Variants in CAMK2G observed in about 807,000 individuals in gnomAD.
CAMK2G encodes calcium/calmodulin-dependent protein kinase type II subunit gamma.
Under a neutral mutation model 88.7 loss-of-function variants are expected in CAMK2G, and 23 were observed. The observed-to-expected ratio is 0.26, with a 90% confidence interval of 0.19 to 0.37. The LOEUF (loss-of-function observed/expected upper bound fraction) is 0.37, where lower values mean the gene tolerates loss of function less well. Among genes scored for constraint, CAMK2G ranks in the 10% least tolerant of loss-of-function variants. The pLI is 1.00. For synonymous variants in CAMK2G, 263 were observed against 294.8 expected (o/e 0.89, Z 1.11); for missense variants, 476 against 780.8 (o/e 0.61, Z 4.65).
In CAMK2G at chr10:73,813,359, G is replaced by C. The variant is rs1197492412; in HGVS notation, c.*1159C>G. 1 of 152,722 alleles carries C rather than the reference G, an allele frequency of 6.5e-6. No individual in the cohort carries two copies. Among genetic ancestry groups the C allele is most frequent in the African/African-American group, 2.4e-5 (1 of 41,464 alleles). The allele number at this position is 152,722 out of a possible 1,614,324, so 9.5% of individuals were successfully genotyped here. A position where few individuals can be genotyped will look rare whatever the true frequency, so the allele number is the denominator to read the frequency against. Reference sequence around the variant, plus strand: ...GACACCTCTTCTTCTTGCCAGAGCAGTCAGGTCAATCTCAAAGACAGGAAA... The same window carrying C: ...GACACCTCTTCTTCTTGCCAGAGCACTCAGGTCAATCTCAAAGACAGGAAA... On this transcript the variant is annotated 3_prime_UTR_variant, in exon 23 of 23. Transcript: ENST00000423381.
chr10:73,859,867 G>GC (rs1343933883), intron 3 of CAMK2G, among the ~76,000 whole-genome samples: 2 of 152,228 alleles, frequency 1.3e-5, no homozygotes, highest in Non-Finnish European at 2.9e-5. Flanking sequence ...GGGTAGCTCT[G>GC]AAGGAAGCAT....
chr10:73,815,012 A>G lies in CAMK2G; in HGVS notation c.*3T>C. The G allele has an allele frequency of 6.2e-7, 1 of 1,606,322 alleles. No individual in the cohort carries two copies. ...CGTCAACCAGGTGCACCTGTGGCTG[A>G]GCTCACTGCAGCGGTGCGGCAGGGG... On this transcript the variant is annotated 3_prime_UTR_variant, in exon 22 of 23. Coordinates refer to ENST00000423381, the MANE Select transcript of CAMK2G (RefSeq NM_001367534.1).
chr10:73,873,408 C>T (rs978514524), intron 1 of CAMK2G: 1 of 1,201,078 alleles, frequency 8.3e-7, no homozygotes. Flanking sequence ...TCTCAGACAG[C>T]CCTGCGGTCC....
intron 14 of CAMK2G, among the ~76,000 whole-genome samples, chr10:73,829,963 T>C (rs1008090861): frequency 3.3e-5 from 5 of 152,216 alleles, no homozygotes; most frequent in Non-Finnish European, 7.3e-5. Flanking sequence ...GAACTCTGCG[T>C]AGGCACTCAC....
intron 3 of CAMK2G, among the ~76,000 whole-genome samples, chr10:73,855,205 C>G (rs1341565260): frequency 2.0e-5 from 3 of 152,194 alleles, no homozygotes; most frequent in Non-Finnish European, 4.4e-5. Flanking sequence ...CACTCACTTG[C>G]GCACCTCTGG....
At position 73,853,234 on chromosome 10, in the gene CAMK2G, T is replaced by C. The variant is rs2094772405; in HGVS notation, c.233A>G (p.Asp78Gly). The change falls in exon 4 of 23, where the codon GAC becomes GGC. Residue 78 changes from aspartate (D) to glycine (G), a missense_variant. Around this residue, in one of 3 missense-constraint regions of CAMK2G, gnomAD observed 164 missense variants for 385.6 expected, o/e 0.43. Transcript: ENST00000423381. ...GTGAAACCCTTCTTCAGAAATACTG[T>C]CATGGAGGCGCACTGCAAGAGAGGA... ...LKHPNIVRLHDSISEEGFHYL... is the reference protein window; with the variant it reads ...LKHPNIVRLHGSISEEGFHYL... 1 of 1,613,918 alleles carries C rather than the reference T, an allele frequency of 6.2e-7. No individual in the cohort carries two copies. Among genetic ancestry groups the C allele is most frequent in the Non-Finnish European group, 8.5e-7 (1 of 1,179,886 alleles).
intron 14 of CAMK2G, chr10:73,837,039 G>C (rs995778737): frequency 1.2e-4 from 23 of 188,336 alleles, no homozygotes; most frequent in Non-Finnish European, 2.4e-4. Flanking sequence ...AAAGGAGAGT[G>C]GTTTCAGGTT....
At chr10:73,835,394 T>C (rs1272656549) in intron 14 of CAMK2G, among the ~76,000 whole-genome samples, 3 of 151,900 alleles carry the variant, frequency 2.0e-5, no homozygotes, top group Non-Finnish European at 4.4e-5. Flanking sequence ...CTCCCTGGGC[T>C]TAGGCAATTC....
At chr10:73,859,278 G>A (rs111477637) in intron 3 of CAMK2G, among the ~76,000 whole-genome samples, 2,819 of 152,374 alleles carry the variant, frequency 0.019, 86 homozygotes, top group African/African-American at 0.063. Flanking sequence ...GCGGGCTGCA[G>A]GGGCAGCCAC....
chr10:73,856,330 T>C (rs1230016903), intron 3 of CAMK2G, among the ~76,000 whole-genome samples: 1 of 152,182 alleles, frequency 6.6e-6, no homozygotes. Context: ...ATTCCTGATA[T>C]TGCAGAGTTG....
chr10:73,826,984 C>T (rs1441761357), intron 15 of CAMK2G, among the ~76,000 whole-genome samples: 4 of 152,184 alleles, frequency 2.6e-5, no homozygotes, highest in Admixed American at 6.5e-5. Context: ...TCTAAACTCA[C>T]GGGAGCTCTG....
At chr10:73,858,212 G>A (rs899778524) in intron 3 of CAMK2G, among the ~76,000 whole-genome samples, 1 of 152,162 alleles carries the variant, frequency 6.6e-6, no homozygotes, top group African/African-American at 2.4e-5. Flanking sequence ...CAGTGCCTCC[G>A]AGTCTGACCA....
At chr10:73,814,884 C>T in intron 22 of CAMK2G, 119 bp downstream of exon 22, 1 of 657,688 alleles carries the variant, frequency 1.5e-6, no homozygotes, top group Non-Finnish European at 2.6e-6. Flanking sequence ...CAGGCTTTGC[C>T]AGTCCTCTGG....
intron 15 of CAMK2G, among the ~76,000 whole-genome samples, chr10:73,827,714 A>C (rs1237475215): frequency 6.6e-6 from 1 of 152,196 alleles, no homozygotes; most frequent in African/African-American, 2.4e-5. Flanking sequence ...GTTGCCCTCC[A>C]GCTGCCAGTC....
chr10:73,847,382 T>C (rs768456373), intron 9 of CAMK2G, 35 bp from the exon 10 acceptor site: 3 of 1,611,968 alleles, frequency 1.9e-6, no homozygotes, highest in Non-Finnish European at 2.5e-6. Context: ...AATGTGGTAT[T>C]GGTGAGCTTC....
At chr10:73,873,510 G>A in intron 1 of CAMK2G, 1 of 1,014,582 alleles carries the variant, frequency 9.9e-7, no homozygotes. Context: ...AGATTAAAAA[G>A]AGGGTATCAT....
intron 21 of CAMK2G, among the ~76,000 whole-genome samples, 153 bp from the exon 22 acceptor site, chr10:73,815,400 C>T (rs1390551384): frequency 6.6e-6 from 1 of 151,634 alleles, no homozygotes. Flanking sequence ...CCTGAACGCC[C>T]TCCAGAGGCC....
At position 73,860,798 on chromosome 10, in the gene CAMK2G, AC is replaced by A. The variant is rs1163398309; in HGVS notation, c.220+31del. The A allele has an allele frequency of 1.9e-6, 3 of 1,546,224 alleles. No homozygotes were observed. In the East Asian group the frequency reaches 6.7e-5, roughly 35 times the overall value. Reference sequence around the variant, plus strand: ...TCTGTTATCCCTGCTTCTACAAAATACCCACAAAATGCTCCATGCCCAGGCA... The same window carrying A: ...TCTGTTATCCCTGCTTCTACAAAATACCACAAAATGCTCCATGCCCAGGCA... On this transcript the variant is annotated intron_variant, in intron 3 of 22. Transcript: ENST00000423381.
At chr10:73,866,272 T>A (rs903156196) in intron 2 of CAMK2G, among the ~76,000 whole-genome samples, 1 of 152,092 alleles carries the variant, frequency 6.6e-6, no homozygotes, top group Non-Finnish European at 1.5e-5. Context: ...AGGAAGCAGA[T>A]AGGGAGGTGA....
Sources: gnomAD v4.1 joint callset for allele counts (sites outside exome capture counted in the v4.1 genomes callset) on GRCh38, gnomAD v4.1.1 for gene constraint, gnomAD v4.1.1 regional missense constraint, MANE v1.5 for transcripts, NCBI Gene and HGNC (gene_info 2026-07-23, HGNC 2026-07-21) for gene names.